IGSF11: variants seen among roughly 807,000 people sequenced by gnomAD.
IGSF11 encodes CXADR like 1.
In IGSF11, 22 loss-of-function variants were observed where a neutral mutation model predicts 41.0. The observed-to-expected ratio is 0.54, with a 90% CI of 0.38 to 0.77. IGSF11 has a LOEUF of 0.77. IGSF11 is among the 30% of genes least tolerant of loss of function. IGSF11 has a pLI of 0.00. For missense variants in IGSF11, 444 were observed against 530.8 expected, an observed-to-expected ratio of 0.84 and a Z score of 1.61; for synonymous variants, 219 against 201.3, an observed-to-expected ratio of 1.09 and a Z score of -0.74.
intron 1 of IGSF11, among the ~76,000 whole-genome samples, chr3:118,945,591 G>T (rs2107568819): frequency 6.6e-6 from 1 of 152,280 alleles, no homozygotes; most frequent in East Asian, 1.9e-4. Flanking sequence ...AGCAAGGAAA[G>T]AATAGAGGAA....
chr3:118,978,257 C>T (rs532416731), intron 1 of IGSF11, among the ~76,000 whole-genome samples: 20 of 152,272 alleles, frequency 1.3e-4, no homozygotes, highest in South Asian at 2.1e-4. Context: ...CCACCAGAGC[C>T]GGCACCCACC....
At chr3:119,141,500 T>C (rs1004213890) in intron 1 of IGSF11, among the ~76,000 whole-genome samples, 41 of 151,284 alleles carry the variant, frequency 2.7e-4, no homozygotes, top group African/African-American at 8.7e-4. Context: ...TTTTTCAAAA[T>C]ATCAACAAAA....
At chr3:119,001,203 A>C (rs1248187796) in intron 1 of IGSF11, among the ~76,000 whole-genome samples, 5 of 150,086 alleles carry the variant, frequency 3.3e-5, no homozygotes, top group African/African-American at 1.2e-4. Flanking sequence ...TTAAATTATA[A>C]TAATCCCTTT....
intron 1 of IGSF11, among the ~76,000 whole-genome samples, chr3:119,028,604 A>G (rs1940054065): frequency 6.6e-6 from 1 of 152,042 alleles, no homozygotes; most frequent in South Asian, 2.1e-4. Flanking sequence ...AGGAAAAAAT[A>G]TTTCAAATAT....
chr3:119,111,225 C>T (rs894370439), intron 1 of IGSF11, among the ~76,000 whole-genome samples: 2 of 152,220 alleles, frequency 1.3e-5, no homozygotes, highest in African/African-American at 4.8e-5. Flanking sequence ...CTTTCAGGTA[C>T]ACCAATCAGA....
At chr3:119,027,549 G>GA (rs1244428401) in intron 1 of IGSF11, among the ~76,000 whole-genome samples, 1 of 152,078 alleles carries the variant, frequency 6.6e-6, no homozygotes, top group African/African-American at 2.4e-5. Context: ...CAGCTTTGGG[G>GA]AAAAAATATG....
chr3:119,060,178 G>T (rs1353153831), intron 1 of IGSF11, among the ~76,000 whole-genome samples: 17 of 152,128 alleles, frequency 1.1e-4, no homozygotes, highest in Admixed American at 1.1e-3. Flanking sequence ...ACCATCATCA[G>T]TTTCTGTTGC....
At chr3:119,115,137 A>T (rs1354921635) in intron 1 of IGSF11, among the ~76,000 whole-genome samples, 1 of 152,332 alleles carries the variant, frequency 6.6e-6, no homozygotes, top group East Asian at 1.9e-4. Context: ...TTGGGTGAGG[A>T]CACAAATCCA....
At chr3:118,916,844 C>G (rs1218881046) in intron 4 of IGSF11, among the ~76,000 whole-genome samples, 1 of 151,424 alleles carries the variant, frequency 6.6e-6, no homozygotes, top group Non-Finnish European at 1.5e-5. Flanking sequence ...CAAAATTGAC[C>G]ACATAGTTGG....
At chr3:119,024,312 T>C (rs963585758) in intron 1 of IGSF11, among the ~76,000 whole-genome samples, 3 of 152,186 alleles carry the variant, frequency 2.0e-5, no homozygotes, top group Non-Finnish European at 1.5e-5. Flanking sequence ...ATGTTTAAAT[T>C]TCTTTTACTA....
intron 1 of IGSF11, among the ~76,000 whole-genome samples, chr3:119,121,348 A>G (rs756746943): frequency 6.6e-6 from 1 of 152,192 alleles, no homozygotes; most frequent in Non-Finnish European, 1.5e-5. Flanking sequence ...CAAATAAAGG[A>G]TAGGAATAAT....
At chr3:118,963,483 T>C (rs952179750) in intron 1 of IGSF11, among the ~76,000 whole-genome samples, 1 of 152,202 alleles carries the variant, frequency 6.6e-6, no homozygotes, top group Non-Finnish European at 1.5e-5. Flanking sequence ...GTGATATCTT[T>C]ATTCTGATGA....
At chr3:119,101,854 C>T (rs947904399) in intron 1 of IGSF11, among the ~76,000 whole-genome samples, 1 of 152,148 alleles carries the variant, frequency 6.6e-6, no homozygotes, top group Non-Finnish European at 1.5e-5. Flanking sequence ...AGTCTATTTC[C>T]ATTTCATTTT....
chr3:118,922,837 C>T lies in IGSF11; in HGVS notation c.580+3264G>A, dbSNP rs569665064. ...GATGATGATGTCTTCTTGCTGTGCC[C>T]TTTCAGGACAGTTCTTTGGGTGGTC... On this transcript the variant is annotated intron_variant, in intron 4 of 6. Transcript: ENST00000393775. Among the ~76,000 whole-genome samples the T allele has an allele frequency of 4.6e-5, 7 of 152,100 alleles. No individual in the cohort carries two copies. In the South Asian group the frequency reaches 1.5e-3, roughly 32 times the overall value.
chr3:119,067,224 T>C (rs1942260710), intron 1 of IGSF11, among the ~76,000 whole-genome samples: 1 of 152,236 alleles, frequency 6.6e-6, no homozygotes, highest in Non-Finnish European at 1.5e-5. Context: ...GGTTGGCTGA[T>C]TACCTCAATC....
intron 1 of IGSF11, among the ~76,000 whole-genome samples, chr3:118,962,504 G>A (rs1945404745): frequency 6.6e-6 from 1 of 152,136 alleles, no homozygotes; most frequent in African/African-American, 2.4e-5. Context: ...TCACTGGTGG[G>A]ACCATTTAAT....
At chr3:119,044,426 C>T (rs1173465836) in intron 1 of IGSF11, among the ~76,000 whole-genome samples, 1 of 151,570 alleles carries the variant, frequency 6.6e-6, no homozygotes, top group African/African-American at 2.4e-5. Context: ...GTTAAATGAC[C>T]AAACATAAGA....
chr3:119,009,821 T>C (rs940430038), intron 1 of IGSF11, among the ~76,000 whole-genome samples: 10 of 152,168 alleles, frequency 6.6e-5, no homozygotes, highest in Non-Finnish European at 1.5e-4. Flanking sequence ...TCAACTACCA[T>C]ACAAATTGGG....
intron 1 of IGSF11, among the ~76,000 whole-genome samples, chr3:118,969,195 TA>T (rs1050381560): frequency 2.7e-5 from 4 of 150,282 alleles, no homozygotes; most frequent in East Asian, 2.0e-4. Flanking sequence ...TGGTAAATAT[TA>T]AAAAAAAATA....
Sources: gnomAD v4.1 joint callset for allele counts (sites outside exome capture counted in the v4.1 genomes callset) on GRCh38, gnomAD v4.1.1 for gene constraint, MANE v1.5 for transcripts, NCBI Gene and HGNC (gene_info 2026-07-23, HGNC 2026-07-21) for gene names.